The following RPS6KA5 variants were observed in gnomAD, a reference collection of about 807,000 sequenced individuals.
RPS6KA5 encodes ribosomal protein S6 kinase A5.
RPS6KA5 carries 27 observed loss-of-function variants against 85.5 expected under a neutral mutation model. The observed-to-expected ratio is 0.32, with a 90% CI of 0.23 to 0.44. The LOEUF is 0.44. Ranked by LOEUF, RPS6KA5 falls within the 20% of genes least tolerant of loss-of-function variation. The pLI, the probability that RPS6KA5 is intolerant of heterozygous loss-of-function variation, is 1.00. For synonymous variants in RPS6KA5, 334 were observed against 348.2 expected (o/e 0.96, Z 0.46); for missense variants, 811 against 980.9 (o/e 0.83, Z 2.31).
chr14:90,979,656 A>C (rs781661717), intron 2 of RPS6KA5, among the ~76,000 whole-genome samples: 2 of 152,258 alleles, frequency 1.3e-5, no homozygotes, highest in African/African-American at 4.8e-5. Context: ...ACAATGTGCA[A>C]GAGATCAGTG....
At chr14:90,883,708 T>C (rs1009130572) in intron 14 of RPS6KA5, among the ~76,000 whole-genome samples, 10 of 152,212 alleles carry the variant, frequency 6.6e-5, no homozygotes, top group African/African-American at 2.4e-4. Context: ...TGATTCTTGT[T>C]GAAAATGGGA....
chr14:90,883,151 G>A (rs1035660717), intron 14 of RPS6KA5, among the ~76,000 whole-genome samples: 2 of 152,044 alleles, frequency 1.3e-5, no homozygotes, highest in Admixed American at 6.6e-5. Flanking sequence ...TTTCTTAGTT[G>A]TTTATATTGT....
At chr14:90,946,433 G>A (rs1267015871) in intron 4 of RPS6KA5, among the ~76,000 whole-genome samples, 1 of 152,110 alleles carries the variant, frequency 6.6e-6, no homozygotes, top group Admixed American at 6.5e-5. Context: ...GGCTGGATCT[G>A]CCCTTTTCCT....
chr14:90,990,586 T>C (rs1011634586), intron 2 of RPS6KA5, among the ~76,000 whole-genome samples: 3 of 152,176 alleles, frequency 2.0e-5, no homozygotes, highest in African/African-American at 7.2e-5. Flanking sequence ...CATATGTTCA[T>C]TGCATGTTCA....
chr14:91,027,344 C>A (rs2042024248), intron 1 of RPS6KA5, among the ~76,000 whole-genome samples: 1 of 152,206 alleles, frequency 6.6e-6, no homozygotes, highest in Non-Finnish European at 1.5e-5. Context: ...GTTATCCCAG[C>A]ACCATTTCTT....
chr14:91,023,273 T>C (rs958505158), intron 1 of RPS6KA5, among the ~76,000 whole-genome samples: 1 of 151,832 alleles, frequency 6.6e-6, no homozygotes, highest in Non-Finnish European at 1.5e-5. Flanking sequence ...TTCTCTGAGC[T>C]CTTGAGTGCT....
chr14:90,925,101 C>T (rs1002032968), intron 5 of RPS6KA5, among the ~76,000 whole-genome samples: 1 of 151,980 alleles, frequency 6.6e-6, no homozygotes, highest in Non-Finnish European at 1.5e-5. Flanking sequence ...ACCGGGCTCA[C>T]AAGAAAGAAA....
chr14:90,876,667 G>A (rs912146574), intron 14 of RPS6KA5, among the ~76,000 whole-genome samples: 11 of 152,252 alleles, frequency 7.2e-5, no homozygotes, highest in African/African-American at 2.6e-4. Context: ...CTGTGTCTGG[G>A]TATGGACCAG....
rs551609249 is a variant in RPS6KA5, at chr14:91,020,616, G to T, written c.104-19457C>A. ...TGTATGTGTATGTATATATCCTATTGTGTGTGTGTGTGTGTGTGTGTGTGT... is the reference window on the plus strand; with the variant it reads ...TGTATGTGTATGTATATATCCTATTTTGTGTGTGTGTGTGTGTGTGTGTGT... On this transcript the variant is annotated intron_variant, in intron 1 of 16. Transcript: ENST00000614987. Among the ~76,000 whole-genome samples the T allele has an allele frequency of 1.2e-4, 16 of 129,518 alleles. No individual in the cohort carries two copies. The East Asian group carries it at 1.7e-3, about 13-fold the overall frequency. The allele number at this position is 129,518 out of a possible 152,430, so 85.0% of individuals were successfully genotyped here. A position where few individuals can be genotyped will look rare whatever the true frequency, so the allele number is the denominator to read the frequency against.
intron 3 of RPS6KA5, among the ~76,000 whole-genome samples, chr14:90,955,106 T>C (rs138732761): frequency 3.4e-3 from 522 of 152,320 alleles, no homozygotes; most frequent in Non-Finnish European, 6.1e-3. Context: ...ATCTTTGTTA[T>C]GTCCCTCCTT....
chr14:91,011,211 G>A (rs1177967839), intron 1 of RPS6KA5, among the ~76,000 whole-genome samples: 2 of 152,224 alleles, frequency 1.3e-5, no homozygotes, highest in African/African-American at 2.4e-5. Flanking sequence ...AAACAGGCCA[G>A]GCACGGTGGC....
intron 1 of RPS6KA5, among the ~76,000 whole-genome samples, chr14:91,057,270 T>G (rs1161095094): frequency 6.6e-6 from 1 of 152,160 alleles, no homozygotes; most frequent in Non-Finnish European, 1.5e-5. Context: ...TCTGCATTCT[T>G]CAGCTTTTAC....
At position 90,885,518 on chromosome 14, in the gene RPS6KA5, A is replaced by C. The variant is rs1419849299; in HGVS notation, c.1836+4969T>G. ...CAGTGAGCCGAGATCCCGCCACTGC[A>C]CTCCAGCCTGGGCGACAGAGCGAGA... On this transcript the variant is annotated intron_variant, in intron 14 of 16. Coordinates refer to ENST00000614987, the MANE Select transcript of RPS6KA5 (RefSeq NM_004755.4). 2.8e-4 allele frequency among the ~76,000 whole-genome samples: 31 copies of C among 109,120 alleles called. No homozygotes were observed. The East Asian group carries it at 9.2e-3, about 32-fold the overall frequency. The allele number at this position is 109,120 out of a possible 152,430, so 71.6% of individuals were successfully genotyped here. A position where few individuals can be genotyped will look rare whatever the true frequency, so the allele number is the denominator to read the frequency against.
chr14:91,008,440 A>T (rs2041123589), intron 1 of RPS6KA5, among the ~76,000 whole-genome samples: 1 of 152,234 alleles, frequency 6.6e-6, no homozygotes, highest in Non-Finnish European at 1.5e-5. Context: ...ATATCATGTG[A>T]AGCTGGTTAG....
intron 1 of RPS6KA5, among the ~76,000 whole-genome samples, chr14:91,001,431 G>A: frequency 6.6e-6 from 1 of 152,026 alleles, no homozygotes; most frequent in Non-Finnish European, 1.5e-5. Flanking sequence ...ACTCTCTACT[G>A]ACCAATATAC....
intron 2 of RPS6KA5, among the ~76,000 whole-genome samples, chr14:90,979,623 G>C (rs118123703): frequency 6.6e-6 from 1 of 152,340 alleles, no homozygotes; most frequent in East Asian, 1.9e-4. Context: ...TCAGTACTCT[G>C]GGAACTGGAT....
intron 1 of RPS6KA5, among the ~76,000 whole-genome samples, chr14:91,035,748 GAT>G (rs1255260340): frequency 1.4e-5 from 2 of 146,138 alleles, no homozygotes; most frequent in Non-Finnish European, 3.0e-5. Context: ...AAAATGAAGA[GAT>G]ATACCCAAAA....
chr14:91,020,615 TG>T (rs2041720974), intron 1 of RPS6KA5, among the ~76,000 whole-genome samples: 1 of 7,986 alleles, frequency 1.3e-4, no homozygotes, highest in African/African-American at 4.1e-4. Flanking sequence ...TATATCCTAT[TG>T]TGTGTGTGTG....
At chr14:90,925,471 G>T (rs2036606966) in intron 5 of RPS6KA5, among the ~76,000 whole-genome samples, 1 of 152,114 alleles carries the variant, frequency 6.6e-6, no homozygotes, top group South Asian at 2.1e-4. Flanking sequence ...TTAGATTTGA[G>T]ATCTGAATTT....
Sources: gnomAD v4.1 joint callset for allele counts (sites outside exome capture counted in the v4.1 genomes callset) on GRCh38, gnomAD v4.1.1 for gene constraint, MANE v1.5 for transcripts, NCBI Gene and HGNC (gene_info 2026-07-23, HGNC 2026-07-21) for gene names.